NEK11: variants seen among roughly 807,000 people sequenced by gnomAD.
NEK11 encodes the protein NIMA related kinase 11, also known as serine/threonine-protein kinase Nek11.
Under a neutral mutation model 80.7 loss-of-function variants are expected in NEK11, and 72 were observed. That is an observed-to-expected ratio of 0.89 (90% confidence interval 0.74 to 1.08). The LOEUF is 1.08. NEK11 is among the 50% of genes least tolerant of loss of function. The probability of loss-of-function intolerance (pLI) is 0.00; values close to 1 mark genes in which losing one functional copy is unlikely to be tolerated. For missense variants in NEK11, 764 were observed against 763.6 expected (o/e 1.00, Z -0.01); for synonymous variants, 251 against 260.7 (o/e 0.96, Z 0.36).
chr3:131,134,609 C>T (rs533907126), intron 7 of NEK11, among the ~76,000 whole-genome samples: 107 of 151,884 alleles, frequency 7.0e-4, no homozygotes, highest in Non-Finnish European at 1.1e-3. Flanking sequence ...CTGTGTTAGC[C>T]GGAATGGTCT....
At chr3:131,272,821 A>C (rs1003898541) in intron 16 of NEK11, among the ~76,000 whole-genome samples, 6 of 152,034 alleles carry the variant, frequency 3.9e-5, no homozygotes, top group Admixed American at 3.9e-4. Context: ...CAGTTGATGG[A>C]ATATTTCTTT....
intron 14 of NEK11, among the ~76,000 whole-genome samples, chr3:131,212,820 T>C (rs1258130957): frequency 6.6e-6 from 1 of 152,232 alleles, no homozygotes; most frequent in Admixed American, 6.5e-5. Context: ...TTTATATGTC[T>C]ATTTGGCTAG....
At chr3:131,273,410 C>A in intron 16 of NEK11, 68 bp from the exon 17 acceptor site, 1 of 1,202,240 alleles carries the variant, frequency 8.3e-7, no homozygotes, top group Non-Finnish European at 1.2e-6. Flanking sequence ...TTCTGATTGC[C>A]CTTGAACATC....
At chr3:131,271,666 G>A (rs1196588806) in intron 16 of NEK11, among the ~76,000 whole-genome samples, 1 of 151,868 alleles carries the variant, frequency 6.6e-6, no homozygotes, top group Non-Finnish European at 1.5e-5. Flanking sequence ...TTGGTGGCGG[G>A]AGCCTGTAAT....
intron 5 of NEK11, among the ~76,000 whole-genome samples, chr3:131,126,370 AG>A (rs1412139533): frequency 1.3e-5 from 2 of 151,870 alleles, no homozygotes; most frequent in African/African-American, 4.8e-5. Flanking sequence ...ATAAACACTC[AG>A]TTTCTTTGTT....
intron 17 of NEK11, among the ~76,000 whole-genome samples, chr3:131,296,194 A>C (rs1000273948): frequency 6.6e-6 from 1 of 152,108 alleles, no homozygotes; most frequent in Non-Finnish European, 1.5e-5. Context: ...TGGGTACCTT[A>C]TAATAACAAA....
chr3:131,057,444 A>T (rs1238469036), intron 3 of NEK11, among the ~76,000 whole-genome samples: 2 of 151,506 alleles, frequency 1.3e-5, no homozygotes, highest in Non-Finnish European at 2.9e-5. Flanking sequence ...CTAGTTCTAG[A>T]TCCCTGAGGA....
chr3:131,134,574 G>A (rs1045689511), intron 7 of NEK11, among the ~76,000 whole-genome samples: 1 of 151,848 alleles, frequency 6.6e-6, no homozygotes, highest in African/African-American at 2.4e-5. Flanking sequence ...CTAATTTTTT[G>A]TATTTTTAGT....
At chr3:131,059,992 T>G (rs914276374) in intron 3 of NEK11, among the ~76,000 whole-genome samples, 4 of 152,150 alleles carry the variant, frequency 2.6e-5, no homozygotes, top group African/African-American at 9.7e-5. Context: ...TGTTAAAAAA[T>G]TATTAAGAAT....
chr3:131,251,939 T>A (rs2095712121), intron 16 of NEK11, among the ~76,000 whole-genome samples: 2 of 152,116 alleles, frequency 1.3e-5, no homozygotes, highest in African/African-American at 4.8e-5. Context: ...TCATTACACA[T>A]GAGAACTTTA....
intron 14 of NEK11, among the ~76,000 whole-genome samples, chr3:131,217,456 A>T (rs1451294030): frequency 6.6e-6 from 1 of 152,148 alleles, no homozygotes; most frequent in Non-Finnish European, 1.5e-5. Context: ...GTTTTCCTCT[A>T]GCTATGCTGT....
intron 3 of NEK11, among the ~76,000 whole-genome samples, chr3:131,034,782 G>A (rs554690263): frequency 2.0e-5 from 3 of 152,302 alleles, no homozygotes; most frequent in South Asian, 4.1e-4. Context: ...CTTCCAGTCC[G>A]GAAGACTATA....
chr3:131,168,755 A>T, intron 12 of NEK11, 75 bp from the exon 13 acceptor site: 1 of 1,020,720 alleles, frequency 9.8e-7, no homozygotes, highest in Non-Finnish European at 1.5e-6. Flanking sequence ...GGCCTCCTGA[A>T]AGCAGCACTT....
At chr3:131,071,616 A>G (rs572627769) in intron 3 of NEK11, among the ~76,000 whole-genome samples, 2 of 152,160 alleles carry the variant, frequency 1.3e-5, no homozygotes, top group Admixed American at 1.3e-4. Flanking sequence ...AAAATTTTAT[A>G]TAAAATAATT....
chr3:131,322,665 C>T (rs1003332166), intron 17 of NEK11, among the ~76,000 whole-genome samples: 6 of 152,122 alleles, frequency 3.9e-5, no homozygotes. Context: ...GTGAGAGATT[C>T]TGCATGTCTA....
intron 17 of NEK11, among the ~76,000 whole-genome samples, chr3:131,298,306 G>C (rs1167092751): frequency 6.6e-6 from 1 of 152,036 alleles, no homozygotes; most frequent in Non-Finnish European, 1.5e-5. Flanking sequence ...AGCATGGAAT[G>C]TTCTTCCATT....
chr3:131,075,673 G>A (rs535588591), intron 3 of NEK11, among the ~76,000 whole-genome samples: 1 of 152,264 alleles, frequency 6.6e-6, no homozygotes, highest in African/African-American at 2.4e-5. Context: ...AGAGTCTAAG[G>A]TGGAAATGAA....
At chr3:131,282,952 A>G (rs1186871875) in intron 17 of NEK11, among the ~76,000 whole-genome samples, 1 of 152,200 alleles carries the variant, frequency 6.6e-6, no homozygotes, top group African/African-American at 2.4e-5. Context: ...CTAACTTTCA[A>G]TGCATGCCTC....
chr3:131,040,300 A>AC (rs2066281866), intron 3 of NEK11, among the ~76,000 whole-genome samples: 1 of 107,512 alleles, frequency 9.3e-6, no homozygotes, highest in Non-Finnish European at 2.1e-5. Flanking sequence ...TAGTTATATG[A>AC]AAAAAAAAAC....
Sources: allele counts gnomAD v4.1 joint callset (sites outside exome capture counted in the v4.1 genomes callset), GRCh38; gene constraint gnomAD v4.1.1; transcripts MANE v1.5; gene names NCBI Gene and HGNC (gene_info 2026-07-23, HGNC 2026-07-21).